Variants in ZMYND8 observed in about 807,000 individuals in gnomAD.
ZMYND8 encodes zinc finger MYND-type containing 8.
Under a neutral mutation model 140.8 loss-of-function variants are expected in ZMYND8, and 37 were observed. The observed-to-expected ratio is 0.26, with a 90% CI of 0.20 to 0.35. ZMYND8 has a LOEUF of 0.35. Among genes scored for constraint, ZMYND8 ranks in the 10% least tolerant of loss-of-function variants. The probability of loss-of-function intolerance (pLI) is 1.00; values close to 1 mark genes in which losing one functional copy is unlikely to be tolerated. For synonymous variants in ZMYND8, 592 were observed against 597.1 expected, an observed-to-expected ratio of 0.99 and a Z score of 0.12; for missense variants, 1,068 against 1,570.0, an observed-to-expected ratio of 0.68 and a Z score of 5.40.
chr20:47,287,411 C>T (rs753436721), intron 7 of ZMYND8, 127 bp from the exon 8 acceptor site: 38 of 775,480 alleles, frequency 4.9e-5, no homozygotes, highest in Non-Finnish European at 7.7e-5. Flanking sequence ...AAGGCTAAAA[C>T]CAGAGGTTCC....
At chr20:47,211,843 G>A (rs924030960) in intron 22 of ZMYND8, among the ~76,000 whole-genome samples, 1 of 152,080 alleles carries the variant, frequency 6.6e-6, no homozygotes, top group Non-Finnish European at 1.5e-5. Flanking sequence ...TAGGGGGGCT[G>A]CATTTCTTAC....
At chr20:47,269,297 T>C (rs1202398473) in intron 11 of ZMYND8, among the ~76,000 whole-genome samples, 1 of 152,212 alleles carries the variant, frequency 6.6e-6, no homozygotes, top group Non-Finnish European at 1.5e-5. Flanking sequence ...GGTACTGGCA[T>C]GGAGGCCAGA....
rs755306982 is a variant in ZMYND8, at chr20:47,347,933, C to T, written c.15-7G>A. ...TATTTCCTCTTCAGCCAAGCTGAAACAGAGCAAATTATGTTCATGTTTAGG... is the reference window on the plus strand; with the variant it reads ...TATTTCCTCTTCAGCCAAGCTGAAATAGAGCAAATTATGTTCATGTTTAGG... On this transcript the variant is annotated splice_region_variant and splice_polypyrimidine_tract_variant and intron_variant, in intron 1 of 22. Coordinates refer to ENST00000471951, the MANE Select transcript of ZMYND8 (RefSeq NM_001281775.3). The T allele has an allele frequency of 6.2e-7, 1 of 1,613,536 alleles. No individual in the cohort carries two copies. The highest frequency in any genetic ancestry group is 1.3e-5 in the African/African-American group (1 of 74,940).
chr20:47,318,896 G>A (rs1427381056), intron 2 of ZMYND8: 14 of 1,280,530 alleles, frequency 1.1e-5, no homozygotes, highest in Non-Finnish European at 1.4e-5. Context: ...GGAACATCAA[G>A]TACCTCGGAG....
At chr20:47,323,966 C>T (rs1249448957) in intron 2 of ZMYND8, among the ~76,000 whole-genome samples, 1 of 151,918 alleles carries the variant, frequency 6.6e-6, no homozygotes, top group Non-Finnish European at 1.5e-5. Context: ...TTTGGGAGGC[C>T]GAGGCTGATG....
At chr20:47,264,867 T>A (rs6066255) in intron 11 of ZMYND8, among the ~76,000 whole-genome samples, 2 of 151,748 alleles carry the variant, frequency 1.3e-5, no homozygotes, top group Admixed American at 6.6e-5. Flanking sequence ...AAGCCTCATC[T>A]CTACTAAAAA....
At chr20:47,355,404 A>G (rs955025270) in intron 1 of ZMYND8, 12 of 981,326 alleles carry the variant, frequency 1.2e-5, no homozygotes, top group Non-Finnish European at 1.5e-5. Flanking sequence ...AATGTTCGCA[A>G]AACTCTTCAA....
chr20:47,349,611 C>T (rs977250995), intron 1 of ZMYND8, among the ~76,000 whole-genome samples: 2 of 152,174 alleles, frequency 1.3e-5, no homozygotes, highest in African/African-American at 2.4e-5. Context: ...GGAAATACAT[C>T]TTAACAAAAA....
intron 2 of ZMYND8, among the ~76,000 whole-genome samples, chr20:47,325,261 G>GT (rs2080316889): frequency 6.6e-6 from 1 of 152,076 alleles, no homozygotes; most frequent in South Asian, 2.1e-4. Flanking sequence ...CTGGTTTATT[G>GT]TGTCTCTCCC....
chr20:47,246,635 A>C, intron 13 of ZMYND8, 118 bp from the exon 14 acceptor site: 1 of 1,396,000 alleles, frequency 7.2e-7, no homozygotes. Context: ...TTCAAATCGC[A>C]TCACATTGGC....
intron 19 of ZMYND8, among the ~76,000 whole-genome samples, chr20:47,223,312 C>T (rs1055073554): frequency 4.6e-5 from 7 of 151,970 alleles, no homozygotes; most frequent in Non-Finnish European, 1.0e-4. Flanking sequence ...TCAAGACCAG[C>T]CTGGCCAACA....
Position 47,254,964 on chromosome 20 carries a change from T to C in ZMYND8, c.1622-5525A>G, listed in dbSNP as rs148790872. On this transcript the variant is annotated intron_variant, in intron 12 of 22. Transcript: ENST00000471951. ...CAACACGGTGAAACCCCGTCTCTACTAAAACCCCATCTCTACTAAAAATAC... is the reference window on the plus strand; with the variant it reads ...CAACACGGTGAAACCCCGTCTCTACCAAAACCCCATCTCTACTAAAAATAC... 9.2e-5 allele frequency among the ~76,000 whole-genome samples: 14 copies of C among 152,200 alleles called. No individual in the cohort carries two copies. In the East Asian group the frequency reaches 2.7e-3, roughly 29 times the overall value.
intron 12 of ZMYND8, among the ~76,000 whole-genome samples, chr20:47,249,937 C>A (rs1406193627): frequency 6.6e-6 from 1 of 152,058 alleles, no homozygotes; most frequent in African/African-American, 2.4e-5. Flanking sequence ...GCCACAGAGG[C>A]TTCATTTTTC....
At chr20:47,225,859 C>CAAGA (rs2037644003) in intron 18 of ZMYND8, among the ~76,000 whole-genome samples, 1 of 151,730 alleles carries the variant, frequency 6.6e-6, no homozygotes, top group South Asian at 2.1e-4. Context: ...ATTAGAAAAA[C>CAAGA]AAGAAGTGGT....
At chr20:47,294,274 C>A (rs1465252534) in intron 5 of ZMYND8, among the ~76,000 whole-genome samples, 1 of 152,018 alleles carries the variant, frequency 6.6e-6, no homozygotes, top group African/African-American at 2.4e-5. Context: ...ATCACTTGAA[C>A]CTGGGAGGCA....
chr20:47,321,683 C>T lies in ZMYND8; in HGVS notation c.86-11479G>A, dbSNP rs558831556. Among the ~76,000 whole-genome samples, 3 of 152,230 alleles carry T rather than the reference C, an allele frequency of 2.0e-5. No individual in the cohort carries two copies. In the South Asian group the frequency reaches 6.2e-4, roughly 32 times the overall value. ...TGGGACCAGTCAGTCAACAAATAGT[C>T]ACTAGGCAACAACTAGATATCTGGG... On this transcript the variant is annotated intron_variant, in intron 2 of 22. Transcript: ENST00000471951.
At chr20:47,347,412 A>G (rs921315182) in intron 2 of ZMYND8, among the ~76,000 whole-genome samples, 4 of 152,032 alleles carry the variant, frequency 2.6e-5, no homozygotes, top group African/African-American at 9.7e-5. Flanking sequence ...CAAGCTCTAC[A>G]TTTCCTTTTT....
chr20:47,318,670 A>G (rs2079623120), intron 2 of ZMYND8: 2 of 453,836 alleles, frequency 4.4e-6, no homozygotes, highest in Non-Finnish European at 8.8e-6. Flanking sequence ...CAGAAACTCG[A>G]GGACCGGTCT....
At position 47,333,729 on chromosome 20, in the gene ZMYND8, A is replaced by AAAAAAAAAC. The variant is rs2081152856; in HGVS notation, c.85+14126_85+14127insGTTTTTTTT. Among the ~76,000 whole-genome samples, 6 of 99,422 alleles carry AAAAAAAAAC rather than the reference A, an allele frequency of 6.0e-5. 1 individual carries two copies. Among genetic ancestry groups the AAAAAAAAAC allele is most frequent in the African/African-American group, 3.4e-4 (6 of 17,650 alleles). 65.2% of individuals were successfully genotyped at this position (99,422 alleles called of 152,430 possible). A position where few individuals can be genotyped will look rare whatever the true frequency, so the allele number is the denominator to read the frequency against. Reference sequence around the variant, plus strand: ...GACAGAGCGAGACTCCGTCTCAAAAAAAAAAAAAAAAAAAAAAAAAAAAAA... The same window carrying AAAAAAAAAC: ...GACAGAGCGAGACTCCGTCTCAAAAAAAAAAAAACAAAAAAAAAAAAAAAAAAAAAAAAA... On this transcript the variant is annotated intron_variant, in intron 2 of 22. Coordinates refer to ENST00000471951, the MANE Select transcript of ZMYND8 (RefSeq NM_001281775.3).
Sources: gnomAD v4.1 joint callset for allele counts (sites outside exome capture counted in the v4.1 genomes callset) on GRCh38, gnomAD v4.1.1 for gene constraint, MANE v1.5 for transcripts, NCBI Gene and HGNC (gene_info 2026-07-23, HGNC 2026-07-21) for gene names.